The following PABPC4L variants were observed in gnomAD, a reference collection of about 807,000 sequenced individuals.
The protein encoded by PABPC4L is poly(A) binding protein cytoplasmic 4 like.
For synonymous variants in PABPC4L, 169 were observed against 164.1 expected (o/e 1.03, Z -0.23); for missense variants, 452 against 451.4 (o/e 1.00, Z -0.01).
At chr4:134,153,820 T>TTTG in the PABPC4L span, among the ~76,000 whole-genome samples, 1 of 146,520 alleles carries the variant, frequency 6.8e-6, no homozygotes, top group African/African-American at 2.5e-5. Flanking sequence ...GTTTTTTTTT[T>TTTG]TTTTTTTTTT....
the PABPC4L span, among the ~76,000 whole-genome samples, chr4:134,054,246 G>GTA: frequency 3.2e-4 from 24 of 74,048 alleles, no homozygotes; most frequent in Non-Finnish European, 4.7e-4. Flanking sequence ...TACTTTAGTT[G>GTA]TATATGTATA....
chr4:134,021,746 C>G, the PABPC4L span, among the ~76,000 whole-genome samples: 1 of 152,074 alleles, frequency 6.6e-6, no homozygotes, highest in Non-Finnish European at 1.5e-5. Flanking sequence ...AAATGAGCCA[C>G]CATATCATAT....
chr4:134,046,139 C>A, the PABPC4L span, among the ~76,000 whole-genome samples: 1 of 152,014 alleles, frequency 6.6e-6, no homozygotes, highest in Non-Finnish European at 1.5e-5. Context: ...GCACTGGCAC[C>A]AGTCTCTGAG....
chr4:134,096,185 T>G, the PABPC4L span, among the ~76,000 whole-genome samples: 5 of 151,982 alleles, frequency 3.3e-5, no homozygotes, highest in Admixed American at 1.3e-4. Flanking sequence ...CATTCTGGGT[T>G]GCAAAGAAAA....
the PABPC4L span, among the ~76,000 whole-genome samples, chr4:134,187,658 C>G: frequency 1.3e-5 from 2 of 151,942 alleles, no homozygotes; most frequent in Non-Finnish European, 2.9e-5. Context: ...GAATTGACTC[C>G]TTTATTATTA....
At chr4:134,115,154 A>C in the PABPC4L span, among the ~76,000 whole-genome samples, 1 of 151,930 alleles carries the variant, frequency 6.6e-6, no homozygotes, top group Non-Finnish European at 1.5e-5. Context: ...AAGAGATAAC[A>C]CAGACTATGA....
At chr4:134,097,193 T>C in the PABPC4L span, among the ~76,000 whole-genome samples, 1 of 151,894 alleles carries the variant, frequency 6.6e-6, no homozygotes, top group African/African-American at 2.4e-5. Flanking sequence ...TTATGTTCAG[T>C]TTGTGTGTGA....
the PABPC4L span, among the ~76,000 whole-genome samples, chr4:134,181,836 C>T: frequency 6.6e-5 from 10 of 151,462 alleles, no homozygotes; most frequent in South Asian, 2.1e-4. Flanking sequence ...ATCTCTACAA[C>T]GAGAATTACA....
At chr4:133,953,764 G>A in the PABPC4L span, among the ~76,000 whole-genome samples, 1 of 152,146 alleles carries the variant, frequency 6.6e-6, no homozygotes, top group Non-Finnish European at 1.5e-5. Flanking sequence ...TTGCCTGGGA[G>A]GATGCTCTCT....
chr4:134,022,010 A>C, the PABPC4L span, among the ~76,000 whole-genome samples: 1 of 152,098 alleles, frequency 6.6e-6, no homozygotes, highest in African/African-American at 2.4e-5. Flanking sequence ...TATTGGAGGC[A>C]ATTTTTTAAT....
At chr4:133,955,201 A>G in the PABPC4L span, among the ~76,000 whole-genome samples, 1 of 152,102 alleles carries the variant, frequency 6.6e-6, no homozygotes, top group Non-Finnish European at 1.5e-5. Context: ...CAGTTTACTC[A>G]TGGCATACTA....
chr4:134,108,741 C>T, the PABPC4L span, among the ~76,000 whole-genome samples: 1 of 151,720 alleles, frequency 6.6e-6, no homozygotes, highest in African/African-American at 2.4e-5. Context: ...AAATATATAA[C>T]CTAGACCCTG....
the PABPC4L span, among the ~76,000 whole-genome samples, chr4:133,980,235 C>T: frequency 2.0e-4 from 30 of 152,212 alleles, no homozygotes; most frequent in African/African-American, 7.2e-4. Flanking sequence ...AAAATCTAGG[C>T]TTCTTATATG....
chr4:134,163,547 AAAAAG>A, the PABPC4L span, among the ~76,000 whole-genome samples: 3 of 152,188 alleles, frequency 2.0e-5, no homozygotes, highest in Admixed American at 1.3e-4. Flanking sequence ...AAGAACATAA[AAAAAG>A]AAAACTACAG....
At chr4:134,141,394 C>T in the PABPC4L span, among the ~76,000 whole-genome samples, 2 of 151,174 alleles carry the variant, frequency 1.3e-5, no homozygotes, top group Admixed American at 1.3e-4. Context: ...AGTATGCTTC[C>T]TTTCATCACC....
chr4:134,187,912 TTAAAG>T, the PABPC4L span, among the ~76,000 whole-genome samples: 2 of 152,142 alleles, frequency 1.3e-5, no homozygotes, highest in Non-Finnish European at 2.9e-5. Context: ...CTACTGATGA[TTAAAG>T]TAATTTTTAT....
downstream of PABPC4L, among the ~76,000 whole-genome samples, chr4:134,193,332 A>G (rs189017344): frequency 4.3e-3 from 649 of 152,034 alleles, 2 homozygotes; most frequent in Non-Finnish European, 7.7e-3. Flanking sequence ...TACCCATCCT[A>G]TATCCTAAAA....
chr4:134,032,792 G>GA, the PABPC4L span, among the ~76,000 whole-genome samples: 2 of 151,648 alleles, frequency 1.3e-5, no homozygotes, highest in African/African-American at 2.4e-5. Context: ...AATTATTCTA[G>GA]AAAAAAGTGA....
the PABPC4L span, among the ~76,000 whole-genome samples, chr4:134,173,551 G>A: frequency 3.3e-5 from 5 of 152,096 alleles, no homozygotes; most frequent in Non-Finnish European, 7.4e-5. Flanking sequence ...GTTACCAGAG[G>A]CTGGGAATGG....
Sources: gnomAD v4.1 joint callset for allele counts (sites outside exome capture counted in the v4.1 genomes callset) on GRCh38, gnomAD v4.1.1 for gene constraint, MANE v1.5 for transcripts, NCBI Gene and HGNC (gene_info 2026-07-23, HGNC 2026-07-21) for gene names.